The following PEX1 variants were observed in gnomAD, a reference collection of about 807,000 sequenced individuals.
PEX1 encodes the protein peroxisomal biogenesis factor 1, also known as peroxisomal ATPase PEX1.
PEX1 carries 97 observed loss-of-function variants against 152.5 expected under a neutral mutation model. That is an observed-to-expected ratio of 0.64 (90% confidence interval 0.54 to 0.75). The LOEUF (loss-of-function observed/expected upper bound fraction) is 0.75, where lower values mean the gene tolerates loss of function less well. Among genes scored for constraint, PEX1 ranks in the 30% least tolerant of loss-of-function variants. PEX1 has a pLI of 0.00. For missense variants in PEX1, 1,357 were observed against 1,516.3 expected (o/e 0.89, Z 1.74); for synonymous variants, 485 against 531.6 (o/e 0.91, Z 1.21).
rs751747691 is a variant in PEX1 at position 92,491,439 on chromosome 7, T to C, written c.3271A>G (p.Ser1091Gly). ...LSSMVFLNHS[S>G]GSDDSAGDGE... Reference sequence around the variant, plus strand: ...TCTCCAGCTGAATCGTCAGAGCCACTGCTATGGTTAAGAAAGACCATTGAA... The same window carrying C: ...TCTCCAGCTGAATCGTCAGAGCCACCGCTATGGTTAAGAAAGACCATTGAA... Residue 1091 changes from serine (S) to glycine (G), a missense_variant, in exon 21 of 24, where the codon AGT (serine) becomes GGT (glycine). Physicochemically the swap from Ser to Gly is moderately conservative, Grantham distance 56. Coordinates refer to ENST00000248633, the MANE Select transcript of PEX1 (RefSeq NM_000466.3). 1.4e-5 allele frequency: 23 copies of C among 1,613,892 alleles called. No homozygotes were observed. In the South Asian group the frequency reaches 1.9e-4, roughly 13 times the overall value.
intron 20 of PEX1, among the ~76,000 whole-genome samples, chr7:92,492,262 C>T (rs1049149303): frequency 1.3e-5 from 2 of 152,098 alleles, no homozygotes; most frequent in Non-Finnish European, 2.9e-5. Context: ...CTGCCACAGC[C>T]TCTCCCAAGA....
chr7:92,496,629 C>A (rs1376618525), intron 17 of PEX1, 84 bp downstream of exon 17: 7 of 890,176 alleles, frequency 7.9e-6, no homozygotes, highest in Non-Finnish European at 1.3e-5. Context: ...AATATCAGTT[C>A]TTCAAAAAAC....
intron 21 of PEX1, 61 bp from the exon 22 acceptor site, chr7:92,489,972 G>A: frequency 1.6e-6 from 2 of 1,241,146 alleles, no homozygotes; most frequent in Non-Finnish European, 2.4e-6. Context: ...AAAACTATGT[G>A]TTTACCAAAT....
At chr7:92,497,706 CATA>C (rs778732822) in intron 16 of PEX1, among the ~76,000 whole-genome samples, 228 of 152,184 alleles carry the variant, frequency 1.5e-3, no homozygotes, top group African/African-American at 5.1e-3. Context: ...TATCTATTAA[CATA>C]ATAATATTTA....
At chr7:92,491,598 A>C in intron 20 of PEX1, 96 bp from the exon 21 acceptor site, 1 of 761,334 alleles carries the variant, frequency 1.3e-6, no homozygotes, top group East Asian at 2.5e-5. Flanking sequence ...AGAGCAATAC[A>C]AGAAACTTAG....
rs144942544 is a variant in PEX1, at chr7:92,510,952, T to C, written c.1579A>G (p.Thr527Ala). 2.5e-3 allele frequency: 3,592 copies of C among 1,459,962 alleles called. 7 individuals are homozygous for C. Among genetic ancestry groups the C allele is most frequent in the Middle Eastern group, 4.5e-3 (26 of 5,742 alleles). The allele number at this position is 1,459,962 out of a possible 1,614,324, so 90.4% of individuals were successfully genotyped here. A position where few individuals can be genotyped will look rare whatever the true frequency, so the allele number is the denominator to read the frequency against. ...CAATAACATGCTATTACTTGTATTG[T>C]AGTCTTCTGCAGCAAATTGGGACTC... Reference protein sequence around the residue: ...LLSPNLLQKTTIQVLLDPMVK... With the variant: ...LLSPNLLQKTAIQVLLDPMVK... The change falls in exon 8 of 24, where the codon ACA becomes GCA. Residue 527 changes from threonine to alanine, a missense_variant. By Grantham distance (58) the Thr-to-Ala change is moderately conservative (BLOSUM62 0). Coordinates refer to ENST00000248633, the MANE Select transcript of PEX1 (RefSeq NM_000466.3).
intron 11 of PEX1, among the ~76,000 whole-genome samples, chr7:92,505,700 A>G (rs1401148795): frequency 6.6e-6 from 1 of 152,256 alleles, no homozygotes; most frequent in Non-Finnish European, 1.5e-5. Context: ...AACAGGAAAT[A>G]CACAAGTTCA....
At chr7:92,496,803 T>C in intron 16 of PEX1, 26 bp from the exon 17 acceptor site, 3 of 1,425,282 alleles carry the variant, frequency 2.1e-6, no homozygotes, top group East Asian at 2.3e-5. Flanking sequence ...AGAGTTGAGA[T>C]AAAATTATTT....
intron 15 of PEX1, among the ~76,000 whole-genome samples, chr7:92,500,615 T>G (rs1291205579): frequency 2.0e-5 from 3 of 152,230 alleles, no homozygotes; most frequent in Non-Finnish European, 2.9e-5. Context: ...TTAACAGTCC[T>G]GGGCTGCAAT....
At chr7:92,498,075 A>G (rs1031960861) in intron 16 of PEX1, among the ~76,000 whole-genome samples, 2 of 151,110 alleles carry the variant, frequency 1.3e-5, no homozygotes, top group African/African-American at 4.9e-5. Flanking sequence ...AGAGAAAAAA[A>G]AAAAAAAAAA....
rs1562847742 is a variant in PEX1, at chr7:92,494,246, G to C, written c.3030+47C>G. 5 of 1,328,266 alleles carry C rather than the reference G, an allele frequency of 3.8e-6. No homozygotes were observed. The African/African-American group carries it at 4.3e-5, about 11-fold the overall frequency. 82.3% of individuals were successfully genotyped at this position (1,328,266 alleles called of 1,614,324 possible). A position where few individuals can be genotyped will look rare whatever the true frequency, so the allele number is the denominator to read the frequency against. On this transcript the variant is annotated intron_variant, in intron 19 of 23. Transcript: ENST00000248633. ...GGCAGAAGTAAAGCTCACAAGGAAA[G>C]AGTGTAGCATTTGTTGGGTTTTGGA...
Position 92,489,432 on chromosome 7 carries a change from A to T in PEX1, c.3637-9T>A, listed in dbSNP as rs1251346880. 6.2e-7 allele frequency: 1 copy of T among 1,611,528 alleles called. No homozygotes were observed. The highest frequency in any genetic ancestry group is 1.7e-5 in the Admixed American group (1 of 59,950). ...TTCATGGATTCGTCCTCCTTAAGTA[A>T]AAAAAGAAATTGACGAAGAGTTAAA... On this transcript the variant is annotated splice_polypyrimidine_tract_variant and intron_variant, in intron 22 of 23. Coordinates refer to ENST00000248633, the MANE Select transcript of PEX1 (RefSeq NM_000466.3).
chr7:92,502,841 T>C (rs1302850507), intron 13 of PEX1, among the ~76,000 whole-genome samples, 200 bp downstream of exon 13: 4 of 152,246 alleles, frequency 2.6e-5, no homozygotes, highest in South Asian at 2.1e-4. Flanking sequence ...AGTCATTTTC[T>C]TGGAAAGCGC....
At chr7:92,490,413 T>C (rs780116220) in intron 21 of PEX1, among the ~76,000 whole-genome samples, 1 of 152,108 alleles carries the variant, frequency 6.6e-6, no homozygotes, top group Non-Finnish European at 1.5e-5. Flanking sequence ...GGCACGCAGA[T>C]AGCTTGAGCC....
intron 10 of PEX1, 136 bp from the exon 11 acceptor site, chr7:92,506,480 A>G (rs1792196981): frequency 1.5e-6 from 1 of 679,538 alleles, no homozygotes; most frequent in Non-Finnish European, 2.7e-6. Context: ...AGGAGAGAAT[A>G]CTTCCCATCT....
chr7:92,522,177 A>G lies in PEX1; in HGVS notation c.198T>C (p.Phe66=). 6.2e-7 allele frequency: 1 copy of G among 1,614,118 alleles called. No individual in the cohort carries two copies. The highest frequency in any genetic ancestry group is 8.5e-7 in the Non-Finnish European group (1 of 1,179,970). ...AFLSWVEGRH[F]SDQGENVAEI... is the part of the protein sequence containing the mutation. ...CAGCCACATTTTCACCTTGATCACT[A>G]AAATGCCTGCCTTCCACCCAGCTCA... Residue 66 remains phenylalanine, a synonymous_variant, in exon 2 of 24, where the codon TTT becomes TTC. Transcript: ENST00000248633.
chr7:92,491,730 A>G (rs540438857), intron 20 of PEX1: 7 of 486,990 alleles, frequency 1.4e-5, no homozygotes, highest in Non-Finnish European at 2.2e-5. Context: ...ATCCCCCAAG[A>G]AAGTCTGTAA....
In PEX1 at chr7:92,493,077, T is replaced by G. The variant is rs1014818285; in HGVS notation, c.3083A>C (p.Asp1028Ala). The G allele has an allele frequency of 1.9e-6, 3 of 1,612,896 alleles. No individual in the cohort carries two copies. The highest frequency in any genetic ancestry group is 2.5e-6 in the Non-Finnish European group (3 of 1,178,958). ...TGCTACATGCTGAAGGTCAACATCA[T>G]CTGCCAGAGGTAGAGAGTCACTGAG... ...NVLSDSLPLA[D>A]DVDLQHVASV... Residue 1028 changes from aspartate to alanine, a missense_variant, in exon 20 of 24, where the codon GAT (aspartate) becomes GCT (alanine). Asp to Ala is a moderately radical substitution (Grantham distance 126). Transcript: ENST00000248633.
chr7:92,509,237 A>G, intron 9 of PEX1, 92 bp downstream of exon 9: 6 of 847,026 alleles, frequency 7.1e-6, no homozygotes, highest in Non-Finnish European at 1.2e-5. Flanking sequence ...ACTTATTGAC[A>G]TTAACATCTA....
Sources: gnomAD v4.1 joint callset for allele counts (sites outside exome capture counted in the v4.1 genomes callset) on GRCh38, gnomAD v4.1.1 for gene constraint, MANE v1.5 for transcripts, NCBI Gene and HGNC (gene_info 2026-07-23, HGNC 2026-07-21) for gene names.